The following ENPP1 variants were observed in gnomAD, a reference collection of about 807,000 sequenced individuals.
ENPP1 encodes ectonucleotide pyrophosphatase/phosphodiesterase family member 1.
A neutral mutation model predicts 122.8 loss-of-function variants in ENPP1; 73 were observed. The ratio of observed to expected loss-of-function variants is 0.59; its 90% CI spans 0.49 to 0.72. ENPP1 has a LOEUF of 0.72. Ranked by LOEUF, ENPP1 falls within the 30% of genes least tolerant of loss-of-function variation. The pLI is 0.00. For synonymous variants in ENPP1, 367 were observed against 391.6 expected (o/e 0.94, Z 0.74); for missense variants, 978 against 1,128.1 (o/e 0.87, Z 1.91).
At chr6:131,861,259 T>C (rs1160071763) in intron 8 of ENPP1, among the ~76,000 whole-genome samples, 3 of 152,210 alleles carry the variant, frequency 2.0e-5, no homozygotes, top group Non-Finnish European at 4.4e-5. Flanking sequence ...AGAACCATGA[T>C]TGGCAATAAT....
At chr6:131,885,098 A>C in intron 23 of ENPP1, 35 bp downstream of exon 23, 1 of 1,605,478 alleles carries the variant, frequency 6.2e-7, no homozygotes, top group East Asian at 2.2e-5. Flanking sequence ...AAAAATAGGA[A>C]TTACCATCCA....
At chr6:131,826,064 A>C in intron 1 of ENPP1, 1 of 771,960 alleles carries the variant, frequency 1.3e-6, no homozygotes, top group East Asian at 2.4e-5. Context: ...ACAATCAGAC[A>C]GCTCTGCTTT....
Position 131,882,022 on chromosome 6 carries a change from A to AT in ENPP1, c.2101-323_2101-322insT, listed in dbSNP as rs1472765013. ...GACAGAGTGAGACTCCATCTTAAAA[A>AT]AATAATAATAATAAATAAATAAATA... is the stretch of plus-strand genomic sequence containing the variant. On this transcript the variant is annotated intron_variant, in intron 20 of 24. Coordinates refer to ENST00000647893, the MANE Select transcript of ENPP1 (RefSeq NM_006208.3). 2.8e-5 allele frequency among the ~76,000 whole-genome samples: 4 copies of AT among 142,298 alleles called. 1 individual carries two copies. Among genetic ancestry groups the AT allele is most frequent in the African/African-American group, 1.1e-4 (4 of 36,194 alleles). 93.4% of individuals were successfully genotyped at this position (142,298 alleles called of 152,430 possible). A position where few individuals can be genotyped will look rare whatever the true frequency, so the allele number is the denominator to read the frequency against.
intron 13 of ENPP1, 117 bp from the exon 14 acceptor site, chr6:131,871,953 T>C: frequency 1.2e-6 from 1 of 826,534 alleles, no homozygotes; most frequent in South Asian, 1.4e-5. Context: ...AATGAACTCT[T>C]TAAAACCTGC....
chr6:131,869,439 G>T lies in ENPP1; in HGVS notation c.1355G>T (p.Gly452Val). 2.5e-6 allele frequency: 4 copies of T among 1,612,884 alleles called. No individual in the cohort carries two copies. The highest frequency in any genetic ancestry group is 3.4e-6 in the Non-Finnish European group (4 of 1,179,122). The change falls in exon 13 of 25, where the codon GGA (glycine) becomes GTA (valine). Residue 452 changes from glycine (G) to valine (V), a missense_variant. Transcript: ENST00000647893. The part of the protein sequence containing the change: ...GDVKNIKVIY[G>V]PAARLRPSDV... Reference sequence around the variant, plus strand: ...GTTAAAAATATTAAAGTTATCTATGGACCTGCAGCTCGATTGAGACCCTCT... The same window carrying T: ...GTTAAAAATATTAAAGTTATCTATGTACCTGCAGCTCGATTGAGACCCTCT...
At chr6:131,858,643 C>T (rs1327152819) in intron 6 of ENPP1, 25 bp from the exon 7 acceptor site, 1 of 1,440,840 alleles carries the variant, frequency 6.9e-7, no homozygotes, top group Non-Finnish European at 9.8e-7. Flanking sequence ...TATTTAATAA[C>T]AATGTTTATT....
At chr6:131,884,027 C>G (rs1047316263) in intron 22 of ENPP1, among the ~76,000 whole-genome samples, 5 of 152,182 alleles carry the variant, frequency 3.3e-5, no homozygotes, top group Non-Finnish European at 7.4e-5. Flanking sequence ...AGTTATCCAG[C>G]TAATACAGTC....
At chr6:131,864,672 T>C in intron 10 of ENPP1, 101 bp downstream of exon 10, 1 of 883,930 alleles carries the variant, frequency 1.1e-6, no homozygotes. Context: ...TGCTATGATG[T>C]TTTATATCGA....
At chr6:131,860,651 T>C (rs1043578197) in intron 8 of ENPP1, 145 bp downstream of exon 8, 1 of 646,552 alleles carries the variant, frequency 1.5e-6, no homozygotes, top group Non-Finnish European at 2.7e-6. Context: ...AGATGAATGC[T>C]GATAATCCTA....
chr6:131,856,588 G>A (rs1442491546), intron 6 of ENPP1, among the ~76,000 whole-genome samples: 121 of 143,834 alleles, frequency 8.4e-4, no homozygotes, highest in African/African-American at 3.4e-3. Flanking sequence ...GAATGGCAAT[G>A]CCTAGGTTTT....
At chr6:131,861,497 G>A in intron 8 of ENPP1, 98 bp from the exon 9 acceptor site, 1 of 790,352 alleles carries the variant, frequency 1.3e-6, no homozygotes, top group Non-Finnish European at 2.3e-6. Flanking sequence ...AAGCATTCTA[G>A]CACTAGAGAG....
At chr6:131,849,470 C>T (rs1449157313) in intron 2 of ENPP1, among the ~76,000 whole-genome samples, 3 of 152,106 alleles carry the variant, frequency 2.0e-5, no homozygotes, top group Non-Finnish European at 2.9e-5. Context: ...AGAGCTATGC[C>T]AGGGAGCATG....
At chr6:131,860,578 T>G (rs1782009240) in intron 8 of ENPP1, 72 bp downstream of exon 8, 1 of 1,200,036 alleles carries the variant, frequency 8.3e-7, no homozygotes, top group Admixed American at 1.8e-5. Context: ...AATAACCAGA[T>G]TCTCTAGAGC....
intron 6 of ENPP1, among the ~76,000 whole-genome samples, chr6:131,856,908 C>T (rs373670699): frequency 5.3e-5 from 8 of 151,872 alleles, no homozygotes; most frequent in African/African-American, 1.5e-4. Flanking sequence ...TAGTATAGTT[C>T]GAAGTCAGGT....
chr6:131,878,207 CA>C (rs1159303147), intron 18 of ENPP1, among the ~76,000 whole-genome samples: 1 of 151,752 alleles, frequency 6.6e-6, no homozygotes, highest in Non-Finnish European at 1.5e-5. Context: ...CCAGACTGGG[CA>C]ACATAGTGAG....
At chr6:131,827,318 G>A in intron 1 of ENPP1, 1 of 1,334,714 alleles carries the variant, frequency 7.5e-7, no homozygotes, top group East Asian at 2.3e-5. Context: ...GATGAAGGAT[G>A]AAGGCAAAGT....
chr6:131,827,770 G>T, intron 1 of ENPP1: 1 of 772,626 alleles, frequency 1.3e-6, no homozygotes, highest in Non-Finnish European at 2.3e-6. Context: ...TTCTATACCA[G>T]CTGACTCCAA....
intron 9 of ENPP1, 53 bp from the exon 10 acceptor site, chr6:131,864,453 T>A: frequency 8.4e-7 from 1 of 1,187,926 alleles, no homozygotes; most frequent in Admixed American, 1.7e-5. Context: ...AACTATATTT[T>A]ACACCCAAAC....
chr6:131,819,409 A>G (rs888270140), intron 1 of ENPP1, among the ~76,000 whole-genome samples: 6 of 152,248 alleles, frequency 3.9e-5, no homozygotes, highest in Non-Finnish European at 7.3e-5. Flanking sequence ...ACCAATGAAC[A>G]GTATTTCAGA....
Sources: gnomAD v4.1 joint callset for allele counts (sites outside exome capture counted in the v4.1 genomes callset) on GRCh38, gnomAD v4.1.1 for gene constraint, MANE v1.5 for transcripts, NCBI Gene and HGNC (gene_info 2026-07-23, HGNC 2026-07-21) for gene names.